Variants in TBC1D1 observed in about 807,000 individuals in gnomAD.
TBC1D1 encodes TBC1 domain family member 1, also known as TBC1 (tre-2/USP6, BUB2, cdc16) domain family, member 1.
A neutral mutation model predicts 125.6 loss-of-function variants in TBC1D1; 89 were observed. The observed-to-expected ratio is 0.71, with a 90% CI of 0.60 to 0.85. TBC1D1 has a LOEUF of 0.85. TBC1D1 is among the 40% of genes least tolerant of loss of function. TBC1D1 has a pLI of 0.00. For missense variants in TBC1D1, 1,377 were observed against 1,469.2 expected, an observed-to-expected ratio of 0.94 and a Z score of 1.03; for synonymous variants, 565 against 564.1, an observed-to-expected ratio of 1.00 and a Z score of -0.02.
chr4:38,078,562 C>T (rs1042770820), intron 12 of TBC1D1, among the ~76,000 whole-genome samples: 10 of 152,160 alleles, frequency 6.6e-5, no homozygotes, highest in Admixed American at 2.0e-4. Context: ...GAGTGAAGCC[C>T]TCATGAATGG....
chr4:37,941,619 G>A (rs1251221767), intron 2 of TBC1D1, among the ~76,000 whole-genome samples: 1 of 152,134 alleles, frequency 6.6e-6, no homozygotes, highest in Admixed American at 6.6e-5. Context: ...TGATGTTAGG[G>A]TGTCAATTTT....
chr4:38,054,916 A>AG lies in TBC1D1; in HGVS notation c.2050+579dup, dbSNP rs71190943. On this transcript the variant is annotated intron_variant, in intron 12 of 19. Coordinates refer to ENST00000261439, the MANE Select transcript of TBC1D1 (RefSeq NM_015173.4). ...TGCTAGCACACGGGGGTTGTGGGGG[A>AG]GCGTGCGCAGGGTGTTTACTGGAGT... 8.9e-3 allele frequency: 1,363 copies of AG among 153,050 alleles called. 20 individuals carry two copies. Among genetic ancestry groups the AG allele is most frequent in the African/African-American group, 0.031 (1,295 of 41,206 alleles). 9.5% of individuals were successfully genotyped at this position (153,050 alleles called of 1,614,324 possible).
At chr4:38,078,853 C>T (rs1053837427) in intron 12 of TBC1D1, among the ~76,000 whole-genome samples, 1 of 152,170 alleles carries the variant, frequency 6.6e-6, no homozygotes, top group Non-Finnish European at 1.5e-5. Context: ...CAGAGCTTCA[C>T]GGGGTATAGT....
intron 12 of TBC1D1, among the ~76,000 whole-genome samples, chr4:38,061,001 C>G (rs997016485): frequency 6.6e-6 from 1 of 152,158 alleles, no homozygotes; most frequent in African/African-American, 2.4e-5. Flanking sequence ...CCAGGAGTCT[C>G]TCAAGTCTCA....
intron 2 of TBC1D1, among the ~76,000 whole-genome samples, chr4:38,004,049 G>T (rs930606452): frequency 6.6e-6 from 1 of 152,160 alleles, no homozygotes; most frequent in African/African-American, 2.4e-5. Context: ...AGGAGTCGAG[G>T]TTCCTAGAGC....
At position 38,103,018 on chromosome 4, in the gene TBC1D1, A is replaced by G. The variant is rs1302207070; in HGVS notation, c.2418A>G (p.Arg806=). 1 of 1,614,154 alleles carries G rather than the reference A, an allele frequency of 6.2e-7. No homozygotes were observed. Among genetic ancestry groups the G allele is most frequent in the Non-Finnish European group, 8.5e-7 (1 of 1,180,016 alleles). The change falls in exon 15 of 20, where the codon CGA becomes CGG. Residue 806 remains arginine (R), a synonymous_variant. Coordinates refer to ENST00000261439, the MANE Select transcript of TBC1D1 (RefSeq NM_015173.4). Reference sequence around the variant, plus strand: ...TTAAAGGTGTGCCACGTCATCACCGAGGTGAAATCTGGAAATTTCTAGCTG... The same window carrying G: ...TTAAAGGTGTGCCACGTCATCACCGGGGTGAAATCTGGAAATTTCTAGCTG...
At chr4:37,900,120 C>CAA (rs1372395296) in intron 1 of TBC1D1, among the ~76,000 whole-genome samples, 2 of 92,246 alleles carry the variant, frequency 2.2e-5, no homozygotes, top group African/African-American at 1.0e-4. Flanking sequence ...GGAGCCGTCT[C>CAA]AAAAAAAAAA....
At chr4:37,964,384 G>A (rs2152336417) in intron 2 of TBC1D1, among the ~76,000 whole-genome samples, 1 of 152,292 alleles carries the variant, frequency 6.6e-6, no homozygotes, top group Non-Finnish European at 1.5e-5. Context: ...CCTCGTGCTA[G>A]ATCCACTGAC....
chr4:37,964,087 T>C lies in TBC1D1; in HGVS notation c.418-50422T>C, dbSNP rs75459410. Among the ~76,000 whole-genome samples the C allele has an allele frequency of 6.8e-3, 1,042 of 152,320 alleles. 15 individuals carry two copies. The highest frequency in any genetic ancestry group is 0.024 in the African/African-American group (998 of 41,564). On this transcript the variant is annotated intron_variant, in intron 2 of 19. Transcript: ENST00000261439. ...GACGTTCCTGCAGGGGCAGGTGGCT[T>C]GCTTACTATAGCATCCCTGAGGACT...
At chr4:38,116,773 T>A (rs1303247154) in intron 16 of TBC1D1, among the ~76,000 whole-genome samples, 1 of 152,208 alleles carries the variant, frequency 6.6e-6, no homozygotes, top group Non-Finnish European at 1.5e-5. Context: ...TATTCCTAAA[T>A]GTTGCAGCAC....
rs565531158 is a variant in TBC1D1 at position 38,094,992 on chromosome 4, A to G, written c.2237-937A>G. Among the ~76,000 whole-genome samples the G allele has an allele frequency of 1.1e-3, 173 of 152,066 alleles. 1 individual carries two copies. The highest frequency in any genetic ancestry group is 4.0e-3 in the African/African-American group (167 of 41,452). On this transcript the variant is annotated intron_variant, in intron 13 of 19. Coordinates refer to ENST00000261439, the MANE Select transcript of TBC1D1 (RefSeq NM_015173.4). Reference sequence around the variant, plus strand: ...GGTTTAAAAATCAAATATTCATTGCAGTTCTAAAATCTCTGCAAGTGTGGG... The same window carrying G: ...GGTTTAAAAATCAAATATTCATTGCGGTTCTAAAATCTCTGCAAGTGTGGG...
intron 2 of TBC1D1, among the ~76,000 whole-genome samples, chr4:37,996,820 T>C (rs374344740): frequency 6.6e-6 from 1 of 152,246 alleles, no homozygotes; most frequent in East Asian, 1.9e-4. Context: ...ACTGTACATT[T>C]GTGCAAGTTG....
At chr4:37,970,592 C>G (rs1489947236) in intron 2 of TBC1D1, among the ~76,000 whole-genome samples, 15 of 152,210 alleles carry the variant, frequency 9.9e-5, no homozygotes, top group Non-Finnish European at 2.2e-4. Flanking sequence ...CTCATCGAAG[C>G]TTCACCTGGA....
At chr4:38,004,877 A>G (rs1051306766) in intron 2 of TBC1D1, among the ~76,000 whole-genome samples, 6 of 152,256 alleles carry the variant, frequency 3.9e-5, no homozygotes, top group African/African-American at 1.4e-4. Context: ...TAGATTATTG[A>G]AAAACGGTAA....
intron 2 of TBC1D1, among the ~76,000 whole-genome samples, chr4:37,979,936 C>T (rs895660936): frequency 6.6e-6 from 1 of 152,216 alleles, no homozygotes; most frequent in African/African-American, 2.4e-5. Flanking sequence ...TGCGCCACCA[C>T]CCCCGCTAAT....
chr4:38,018,430 C>A lies in TBC1D1; in HGVS notation c.959C>A (p.Ser320Tyr). The A allele has an allele frequency of 1.2e-6, 2 of 1,607,240 alleles. No individual in the cohort carries two copies. The highest frequency in any genetic ancestry group is 1.7e-5 in the Admixed American group (1 of 59,000). Residue 320 changes from serine (S) to tyrosine (Y), a missense_variant, in exon 4 of 20, where the codon TCC becomes TAC. Ser to Tyr is a moderately radical substitution (Grantham distance 144). Transcript: ENST00000261439. ...TTGGAGAAAAATTTTAAGGAGATATCCTTTTGCTCTCAGGTAAATGGAGAT... is the reference window on the plus strand; with the variant it reads ...TTGGAGAAAAATTTTAAGGAGATATACTTTTGCTCTCAGGTAAATGGAGAT...
rs755515472 is a variant in TBC1D1, at chr4:38,018,450, G to A, written c.972+7G>A. 1.9e-6 allele frequency: 3 copies of A among 1,551,364 alleles called. No homozygotes were observed. The highest frequency in any genetic ancestry group is 2.6e-6 in the Non-Finnish European group (3 of 1,140,440). ...GATATCCTTTTGCTCTCAGGTAAAT[G>A]GAGATGGGTTTTTTTATTCAATTGC... On this transcript the variant is annotated splice_region_variant and intron_variant, in intron 4 of 19. Transcript: ENST00000261439.
intron 6 of TBC1D1, among the ~76,000 whole-genome samples, chr4:38,026,843 A>G (rs1745183308): frequency 6.6e-6 from 1 of 151,988 alleles, no homozygotes; most frequent in African/African-American, 2.4e-5. Flanking sequence ...TTTCCTCAAA[A>G]CTCTTTGTAA....
intron 6 of TBC1D1, among the ~76,000 whole-genome samples, chr4:38,026,568 C>G (rs981732938): frequency 1.3e-5 from 2 of 152,260 alleles, no homozygotes; most frequent in African/African-American, 2.4e-5. Flanking sequence ...CAGGGCCACC[C>G]TGGTAGGATG....
Sources: gnomAD v4.1 joint callset for allele counts (sites outside exome capture counted in the v4.1 genomes callset) on GRCh38, gnomAD v4.1.1 for gene constraint, MANE v1.5 for transcripts, NCBI Gene and HGNC (gene_info 2026-07-23, HGNC 2026-07-21) for gene names.